Variants in SLC44A1 observed in about 807,000 individuals in gnomAD.
SLC44A1 encodes choline transporter-like protein 1.
SLC44A1 carries 26 observed loss-of-function variants against 79.3 expected under a neutral mutation model. That is an observed-to-expected ratio of 0.33 (90% CI 0.24 to 0.46). The LOEUF (loss-of-function observed/expected upper bound fraction) is 0.46, where lower values mean the gene tolerates loss of function less well. Among genes scored for constraint, SLC44A1 ranks in the 20% least tolerant of loss-of-function variants. The pLI, the probability that SLC44A1 is intolerant of heterozygous loss-of-function variation, is 1.00. For missense variants in SLC44A1, 688 were observed against 798.1 expected (o/e 0.86, Z 1.66); for synonymous variants, 263 against 286.2 (o/e 0.92, Z 0.82).
intron 1 of SLC44A1, among the ~76,000 whole-genome samples, chr9:105,290,994 A>G (rs1168141198): frequency 6.6e-6 from 1 of 152,202 alleles, no homozygotes; most frequent in Non-Finnish European, 1.5e-5. Context: ...TGGTAACCGT[A>G]AGTAGTTATG....
intron 1 of SLC44A1, among the ~76,000 whole-genome samples, chr9:105,282,908 AT>A: frequency 6.6e-6 from 1 of 152,290 alleles, no homozygotes; most frequent in South Asian, 2.1e-4. Flanking sequence ...TTGTGACGAT[AT>A]ATCATCTTCA....
intron 15 of SLC44A1, among the ~76,000 whole-genome samples, chr9:105,430,653 C>T (rs182300577): frequency 1.6e-3 from 243 of 152,136 alleles, no homozygotes; most frequent in Middle Eastern, 3.4e-3. Flanking sequence ...TATTATATTT[C>T]GTTCATTTAT....
Position 105,395,101 on chromosome 9 carries a change from C to T in SLC44A1, c.*6045C>T, listed in dbSNP as rs1441274253. 1 of 985,344 alleles carries T rather than the reference C, an allele frequency of 1.0e-6. No homozygotes were observed. Among genetic ancestry groups the T allele is most frequent in the African/African-American group, 1.7e-5 (1 of 57,232 alleles). 61.0% of individuals were successfully genotyped at this position (985,344 alleles called of 1,614,324 possible). On this transcript the variant is annotated 3_prime_UTR_variant, in exon 16 of 16. Coordinates refer to ENST00000374720, the MANE Select transcript of SLC44A1 (RefSeq NM_080546.5). ...CATGACTTATAGTCAGGCATCAAAC[C>T]ATTTCCTACTTTTTCAGGCTGAAGA...
At chr9:105,301,672 C>A (rs183317440) in intron 2 of SLC44A1, among the ~76,000 whole-genome samples, 1 of 152,098 alleles carries the variant, frequency 6.6e-6, no homozygotes, top group African/African-American at 2.4e-5. Context: ...ATATATATAT[C>A]TGTATGTATC....
chr9:105,285,906 A>G (rs1281851267), intron 1 of SLC44A1, among the ~76,000 whole-genome samples: 1 of 152,130 alleles, frequency 6.6e-6, no homozygotes, highest in Non-Finnish European at 1.5e-5. Flanking sequence ...CCTGACACCC[A>G]TCTGGCCAAC....
chr9:105,300,219 C>T (rs1198924265), intron 2 of SLC44A1, among the ~76,000 whole-genome samples: 1 of 152,192 alleles, frequency 6.6e-6, no homozygotes, highest in Non-Finnish European at 1.5e-5. Flanking sequence ...GAACAGAGCC[C>T]AGGTCTGTTC....
At chr9:105,369,625 T>C (rs1025765767) in intron 12 of SLC44A1, among the ~76,000 whole-genome samples, 27 of 152,252 alleles carry the variant, frequency 1.8e-4, no homozygotes, top group African/African-American at 6.5e-4. Context: ...TTCATTTCTT[T>C]AATTTATACG....
intron 3 of SLC44A1, among the ~76,000 whole-genome samples, chr9:105,320,379 A>C (rs1439615359): frequency 6.7e-6 from 1 of 150,148 alleles, no homozygotes; most frequent in Non-Finnish European, 1.5e-5. Flanking sequence ...TTACTCTTGA[A>C]GAGTTAGATA....
At chr9:105,359,008 C>T (rs1778523665) in intron 7 of SLC44A1, among the ~76,000 whole-genome samples, 1 of 152,156 alleles carries the variant, frequency 6.6e-6, no homozygotes, top group Non-Finnish European at 1.5e-5. Flanking sequence ...TCATCCCCTA[C>T]TCTCTTCTGC....
intron 3 of SLC44A1, among the ~76,000 whole-genome samples, chr9:105,315,625 T>G (rs1831302774): frequency 6.6e-6 from 1 of 152,230 alleles, no homozygotes; most frequent in Non-Finnish European, 1.5e-5. Flanking sequence ...CTATACCACA[T>G]AACCATCTAT....
chr9:105,280,299 T>A (rs1246177545), intron 1 of SLC44A1, among the ~76,000 whole-genome samples: 1 of 152,184 alleles, frequency 6.6e-6, no homozygotes, highest in African/African-American at 2.4e-5. Flanking sequence ...CTAGCTCTGA[T>A]TTATCAGCCA....
At chr9:105,323,992 CTTTTTGT>C (rs1826484221) in intron 3 of SLC44A1, among the ~76,000 whole-genome samples, 2 of 151,890 alleles carry the variant, frequency 1.3e-5, no homozygotes, top group African/African-American at 4.8e-5. Context: ...CTCCCAAGTG[CTTTTTGT>C]TTTTGTTTTT....
At chr9:105,417,648 A>G (rs775347346) in intron 15 of SLC44A1, among the ~76,000 whole-genome samples, 2 of 152,136 alleles carry the variant, frequency 1.3e-5, no homozygotes, top group African/African-American at 2.4e-5. Flanking sequence ...CAGATTCTTA[A>G]TAAATGCTAG....
chr9:105,244,794 G>T lies in SLC44A1; in HGVS notation c.-75G>T. 2.1e-6 allele frequency: 2 copies of T among 968,220 alleles called. No individual in the cohort carries two copies. The allele number at this position is 968,220 out of a possible 1,614,324, so 60.0% of individuals were successfully genotyped here. On this transcript the variant is annotated 5_prime_UTR_variant, in exon 1 of 16. Coordinates refer to ENST00000374720, the MANE Select transcript of SLC44A1 (RefSeq NM_080546.5). ...CAGGCCGCGCCCTCCCCGGGCGCCC[G>T]CCGGCTCGCATGCCGAGGGGCTCCG...
At chr9:105,398,580 C>G (rs35111325), downstream of SLC44A1, among the ~76,000 whole-genome samples, 5,109 of 152,190 alleles carry the variant, frequency 0.034, 118 homozygotes, top group African/African-American at 0.066. Flanking sequence ...CTATGGAAAG[C>G]GTACTCTGTA....
intron 1 of SLC44A1, among the ~76,000 whole-genome samples, chr9:105,245,563 A>G (rs183786618): frequency 1.7e-4 from 26 of 152,160 alleles, no homozygotes; most frequent in African/African-American, 6.0e-4. Context: ...GCCTCCCCGC[A>G]CTCGGAGGCC....
intron 13 of SLC44A1, among the ~76,000 whole-genome samples, chr9:105,376,619 C>T (rs1828300056): frequency 6.6e-6 from 1 of 152,106 alleles, no homozygotes; most frequent in African/African-American, 2.4e-5. Flanking sequence ...GGTGATCTGC[C>T]CACCTCGGCC....
intron 15 of SLC44A1, among the ~76,000 whole-genome samples, chr9:105,432,961 T>A (rs969113772): frequency 2.0e-5 from 3 of 152,082 alleles, no homozygotes; most frequent in African/African-American, 4.8e-5. Flanking sequence ...ATTTGCAAAG[T>A]ACATATTTGG....
intron 1 of SLC44A1, among the ~76,000 whole-genome samples, chr9:105,278,487 A>T (rs1830267005): frequency 6.6e-6 from 1 of 152,110 alleles, no homozygotes; most frequent in Non-Finnish European, 1.5e-5. Context: ...TGACCTCGTG[A>T]TCCACCCGCC....
Sources: gnomAD v4.1 joint callset for allele counts (sites outside exome capture counted in the v4.1 genomes callset) on GRCh38, gnomAD v4.1.1 for gene constraint, MANE v1.5 for transcripts, NCBI Gene and HGNC (gene_info 2026-07-23, HGNC 2026-07-21) for gene names.